CTIF: variants seen among roughly 807,000 people sequenced by gnomAD.
CTIF encodes the protein CBP80/20-dependent translation initiation factor.
CTIF carries 21 observed loss-of-function variants against 66.0 expected under a neutral mutation model. The observed-to-expected ratio is 0.32, with a 90% CI of 0.23 to 0.46. The LOEUF is 0.46. Ranked by LOEUF, CTIF falls within the 20% of genes least tolerant of loss-of-function variation. The pLI, the probability that CTIF is intolerant of heterozygous loss-of-function variation, is 1.00. For synonymous variants in CTIF, 345 were observed against 326.4 expected (o/e 1.06, Z -0.62); for missense variants, 739 against 812.7 (o/e 0.91, Z 1.10).
intron 6 of CTIF, among the ~76,000 whole-genome samples, chr18:48,692,096 G>A (rs1261850670): frequency 6.6e-6 from 1 of 152,082 alleles, no homozygotes; most frequent in African/African-American, 2.4e-5. Context: ...TGGCCAGGTT[G>A]GTCTCAAACT....
intron 10 of CTIF, among the ~76,000 whole-genome samples, chr18:48,842,081 T>G (rs953455375): frequency 5.3e-5 from 8 of 151,512 alleles, no homozygotes; most frequent in Non-Finnish European, 1.2e-4. Flanking sequence ...TGCCAGGGGG[T>G]GGGAGGGTTG....
chr18:48,718,519 TGTGTTACAGCATGGGATGTCCAAGGGCAG>T (rs2092302784), intron 7 of CTIF, among the ~76,000 whole-genome samples: 1 of 152,160 alleles, frequency 6.6e-6, no homozygotes, highest in South Asian at 2.1e-4. Flanking sequence ...AAGCATACCA[TGTGTTACAGCATGGGATGTCCAAGGGCAG>T]GAGAAGATGG....
chr18:48,789,246 T>C lies in CTIF; in HGVS notation c.1371+27557T>C, dbSNP rs112301386. Among the ~76,000 whole-genome samples the C allele has an allele frequency of 2.2e-4, 34 of 152,322 alleles. 2 individuals are homozygous for C. The highest frequency in any genetic ancestry group is 8.2e-4 in the African/African-American group (34 of 41,564). On this transcript the variant is annotated intron_variant, in intron 9 of 11. Coordinates refer to ENST00000256413, the MANE Select transcript of CTIF (RefSeq NM_014772.3). The stretch of plus-strand genomic sequence containing the variant: ...CCTATAACATGATGACAATAAGGGC[T>C]GGGTTCACATCCCAGCTTTGTCACA...
At chr18:48,779,908 CTGGGTGAAGG>C (rs1911052081) in intron 9 of CTIF, among the ~76,000 whole-genome samples, 1 of 152,160 alleles carries the variant, frequency 6.6e-6, no homozygotes, top group Non-Finnish European at 1.5e-5. Flanking sequence ...GGCTGCAGCT[CTGGGTGAAGG>C]TGGGCCCTGG....
intron 3 of CTIF, among the ~76,000 whole-genome samples, chr18:48,640,803 G>T (rs572533766): frequency 1.2e-4 from 19 of 152,372 alleles, no homozygotes; most frequent in Admixed American, 2.6e-4. Context: ...TTCATCCCCA[G>T]CAGGCTTCCA....
intron 1 of CTIF, among the ~76,000 whole-genome samples, chr18:48,583,498 C>T (rs569299378): frequency 6.5e-4 from 99 of 152,194 alleles, no homozygotes; most frequent in African/African-American, 2.3e-3. Flanking sequence ...TAGAGGGCGC[C>T]GATCTCGGTT....
At chr18:48,769,212 C>A (rs1165660157) in intron 9 of CTIF, among the ~76,000 whole-genome samples, 4 of 152,228 alleles carry the variant, frequency 2.6e-5, no homozygotes, top group Non-Finnish European at 4.4e-5. Flanking sequence ...TTAATGTTGG[C>A]CCAAGCCAGG....
intron 6 of CTIF, among the ~76,000 whole-genome samples, chr18:48,705,744 G>C (rs767425629): frequency 1.3e-5 from 2 of 152,258 alleles, no homozygotes; most frequent in Non-Finnish European, 2.9e-5. Context: ...CGGCCTGCCG[G>C]GTTGAGGTTG....
At chr18:48,599,119 T>G (rs992533347) in intron 1 of CTIF, among the ~76,000 whole-genome samples, 1 of 152,138 alleles carries the variant, frequency 6.6e-6, no homozygotes, top group African/African-American at 2.4e-5. Flanking sequence ...TCATGGGTGT[T>G]GGAAAGGCCT....
At chr18:48,682,077 T>C (rs975811812) in intron 6 of CTIF, among the ~76,000 whole-genome samples, 12 of 151,822 alleles carry the variant, frequency 7.9e-5, no homozygotes, top group African/African-American at 1.7e-4. Flanking sequence ...TGAGCCACCG[T>C]GCCCAGCCCC....
At chr18:48,604,972 G>T (rs748549770) in intron 1 of CTIF, among the ~76,000 whole-genome samples, 1 of 152,128 alleles carries the variant, frequency 6.6e-6, no homozygotes, top group Non-Finnish European at 1.5e-5. Flanking sequence ...CCTTCTAATG[G>T]CTGAGTAATA....
chr18:48,766,374 G>C (rs1025932759), intron 9 of CTIF, among the ~76,000 whole-genome samples: 2 of 152,140 alleles, frequency 1.3e-5, no homozygotes, highest in Non-Finnish European at 2.9e-5. Context: ...CTGTTTCATA[G>C]ATGGGCAAAC....
intron 7 of CTIF, among the ~76,000 whole-genome samples, chr18:48,749,276 G>A (rs546278529): frequency 1.6e-4 from 24 of 152,328 alleles, no homozygotes; most frequent in Admixed American, 7.8e-4. Flanking sequence ...TGGTGGATTC[G>A]AATGGCCAGG....
intron 10 of CTIF, among the ~76,000 whole-genome samples, chr18:48,828,916 C>G (rs904631643): frequency 6.6e-6 from 1 of 152,236 alleles, no homozygotes; most frequent in African/African-American, 2.4e-5. Context: ...CTCCTTCCCC[C>G]GCCTGCTCCT....
At chr18:48,849,809 C>A (rs34149678) in intron 10 of CTIF, among the ~76,000 whole-genome samples, 1 of 152,036 alleles carries the variant, frequency 6.6e-6, no homozygotes, top group Non-Finnish European at 1.5e-5. Flanking sequence ...TGATCTTGAT[C>A]TCTTGACATC....
intron 1 of CTIF, chr18:48,567,972 G>T (rs963794343): frequency 2.0e-5 from 3 of 152,074 alleles, no homozygotes; most frequent in Admixed American, 6.5e-5. Context: ...AGAGAAACAG[G>T]CTCCTGCCTG....
At chr18:48,559,594 A>G (rs1253416917) in intron 1 of CTIF, among the ~76,000 whole-genome samples, 1 of 152,210 alleles carries the variant, frequency 6.6e-6, no homozygotes, top group African/African-American at 2.4e-5. Flanking sequence ...CATCTATTCC[A>G]CATGGCATCA....
intron 1 of CTIF, among the ~76,000 whole-genome samples, chr18:48,595,841 G>A (rs1015280732): frequency 2.6e-5 from 4 of 152,210 alleles, no homozygotes; most frequent in Non-Finnish European, 4.4e-5. Context: ...ACTGCGGGAA[G>A]AGCCACTTCC....
intron 2 of CTIF, among the ~76,000 whole-genome samples, chr18:48,633,857 G>C (rs1434184516): frequency 6.6e-6 from 1 of 151,976 alleles, no homozygotes; most frequent in African/African-American, 2.4e-5. Context: ...AATGGAACAG[G>C]GTGTTCCCAA....
Sources: allele counts gnomAD v4.1 joint callset (sites outside exome capture counted in the v4.1 genomes callset), GRCh38; gene constraint gnomAD v4.1.1; transcripts MANE v1.5; gene names NCBI Gene and HGNC (gene_info 2026-07-23, HGNC 2026-07-21).